STXBP6: variants seen among roughly 807,000 people sequenced by gnomAD.
The protein encoded by STXBP6 is syntaxin-binding protein 6.
A neutral mutation model predicts 26.9 loss-of-function variants in STXBP6; 21 were observed. The ratio of observed to expected loss-of-function variants is 0.78; its 90% confidence interval spans 0.55 to 1.12. The LOEUF is 1.12. Ranked by LOEUF, STXBP6 falls within the 50% of genes most tolerant of loss-of-function variation. STXBP6 has a pLI of 0.00. For missense variants in STXBP6, 232 were observed against 257.9 expected, an observed-to-expected ratio of 0.90 and a Z score of 0.69; for synonymous variants, 97 against 92.6, an observed-to-expected ratio of 1.05 and a Z score of -0.27.
chr14:24,988,833 A>T (rs1051606666), intron 1 of STXBP6, among the ~76,000 whole-genome samples: 2 of 152,224 alleles, frequency 1.3e-5, no homozygotes, highest in Non-Finnish European at 2.9e-5. Flanking sequence ...GAGACACCAC[A>T]GGAAAGAGGT....
At chr14:24,812,988 GC>G (rs34562160) in intron 5 of STXBP6, among the ~76,000 whole-genome samples, 31,768 of 152,056 alleles carry the variant, frequency 0.21, 3,646 homozygotes, top group Non-Finnish European at 0.27. Context: ...GGGAGGGAGT[GC>G]CTGTGTGGTG....
At chr14:24,980,767 G>A (rs1488710892) in intron 1 of STXBP6, among the ~76,000 whole-genome samples, 1 of 152,054 alleles carries the variant, frequency 6.6e-6, no homozygotes, top group Admixed American at 6.6e-5. Flanking sequence ...ATACTTAAAG[G>A]AGCCAGAAAC....
intron 2 of STXBP6, among the ~76,000 whole-genome samples, chr14:24,876,102 A>T (rs1388565801): frequency 6.6e-6 from 1 of 152,146 alleles, no homozygotes; most frequent in Non-Finnish European, 1.5e-5. Flanking sequence ...GCTGATAAGG[A>T]TCAAGGAAAA....
intron 2 of STXBP6, among the ~76,000 whole-genome samples, chr14:24,970,603 A>G (rs1474292228): frequency 6.6e-6 from 1 of 152,182 alleles, no homozygotes; most frequent in East Asian, 1.9e-4. Context: ...CAAAAATGTA[A>G]AATAATTTGT....
At chr14:24,846,830 C>A (rs1443962564) in intron 4 of STXBP6, among the ~76,000 whole-genome samples, 1 of 152,108 alleles carries the variant, frequency 6.6e-6, no homozygotes, top group African/African-American at 2.4e-5. Flanking sequence ...TATGCTAAAT[C>A]TTATTATTCA....
intron 2 of STXBP6, among the ~76,000 whole-genome samples, chr14:24,868,595 C>A (rs1161348148): frequency 6.6e-6 from 1 of 152,008 alleles, no homozygotes; most frequent in Non-Finnish European, 1.5e-5. Flanking sequence ...ATTATGGAGA[C>A]CCTGGTGAAC....
At chr14:25,001,853 T>C (rs1369135366) in intron 1 of STXBP6, among the ~76,000 whole-genome samples, 1 of 152,246 alleles carries the variant, frequency 6.6e-6, no homozygotes, top group Non-Finnish European at 1.5e-5. Context: ...TATTTTTCCA[T>C]TACAATGAAT....
chr14:24,921,263 C>T (rs543898425), intron 2 of STXBP6, among the ~76,000 whole-genome samples: 1 of 152,118 alleles, frequency 6.6e-6, no homozygotes, highest in Non-Finnish European at 1.5e-5. Context: ...TGTTACCATT[C>T]CATTAATCAA....
At chr14:24,934,658 T>C (rs1595141791) in intron 2 of STXBP6, among the ~76,000 whole-genome samples, 2 of 151,946 alleles carry the variant, frequency 1.3e-5, no homozygotes, top group East Asian at 1.9e-4. Flanking sequence ...GACTAAACAA[T>C]TGTAGGAAGG....
chr14:24,821,428 C>T (rs2068129454), intron 4 of STXBP6, among the ~76,000 whole-genome samples: 1 of 152,172 alleles, frequency 6.6e-6, no homozygotes. Context: ...GGTAACATCA[C>T]ACTCAGTTTT....
intron 2 of STXBP6, among the ~76,000 whole-genome samples, chr14:24,944,025 G>A (rs2072895362): frequency 6.6e-6 from 1 of 151,920 alleles, no homozygotes; most frequent in African/African-American, 2.4e-5. Context: ...GGTTTTTATT[G>A]CTAATTTGTT....
intron 2 of STXBP6, among the ~76,000 whole-genome samples, chr14:24,894,764 A>G (rs1410994003): frequency 1.3e-5 from 2 of 152,206 alleles, no homozygotes; most frequent in African/African-American, 4.8e-5. Context: ...GAACTCTTGC[A>G]TTGTGTACAA....
chr14:24,859,939 T>C (rs1254544193), intron 2 of STXBP6, among the ~76,000 whole-genome samples: 4 of 152,218 alleles, frequency 2.6e-5, no homozygotes, highest in African/African-American at 9.6e-5. Context: ...TTCAGGCCGC[T>C]TTGCTATTAG....
chr14:24,979,087 T>C (rs975371437), intron 1 of STXBP6, among the ~76,000 whole-genome samples: 6 of 152,354 alleles, frequency 3.9e-5, no homozygotes, highest in South Asian at 2.1e-4. Flanking sequence ...ATATTTTTCA[T>C]GTGAGAAGAA....
At chr14:24,983,981 C>T (rs112151889) in intron 1 of STXBP6, among the ~76,000 whole-genome samples, 44 of 152,310 alleles carry the variant, frequency 2.9e-4, no homozygotes, top group African/African-American at 1.0e-3. Context: ...TTAAAACATT[C>T]CTTATTCATT....
chr14:24,878,716 C>G (rs746917051), intron 2 of STXBP6: 7 of 415,458 alleles, frequency 1.7e-5, no homozygotes, highest in South Asian at 1.3e-4. Context: ...TTAGCAGACA[C>G]GCTGGGATGT....
chr14:25,047,479 C>A lies in STXBP6; in HGVS notation c.-33+2399G>T, dbSNP rs957056011. On this transcript the variant is annotated intron_variant, in intron 1 of 5. Coordinates refer to ENST00000323944, the MANE Select transcript of STXBP6 (RefSeq NM_001394410.1). ...GCATTTCACAACAAACGTCATCTCT[C>A]TTACTATCTCCCACTCCATAAGTTA... Among the ~76,000 whole-genome samples, 10 of 152,346 alleles carry A rather than the reference C, an allele frequency of 6.6e-5. No individual in the cohort carries two copies. The East Asian group carries it at 1.9e-3, about 29-fold the overall frequency.
chr14:24,921,447 A>G (rs1444147937), intron 2 of STXBP6, among the ~76,000 whole-genome samples: 10 of 152,140 alleles, frequency 6.6e-5, no homozygotes, highest in Admixed American at 6.6e-4. Context: ...CACACATACC[A>G]AAAAGCACTG....
At chr14:24,860,873 T>A (rs1447136777) in intron 2 of STXBP6, among the ~76,000 whole-genome samples, 1 of 144,856 alleles carries the variant, frequency 6.9e-6, no homozygotes, top group Non-Finnish European at 1.6e-5. Flanking sequence ...AAAATAAATA[T>A]CCTTAAAATA....
Sources: allele counts gnomAD v4.1 joint callset (sites outside exome capture counted in the v4.1 genomes callset), GRCh38; gene constraint gnomAD v4.1.1; transcripts MANE v1.5; gene names NCBI Gene and HGNC (gene_info 2026-07-23, HGNC 2026-07-21).